Variants in SUFU observed in about 807,000 individuals in gnomAD.
SUFU encodes SUFU negative regulator of hedgehog signaling, also known as suppressor of fused homolog.
Under a neutral mutation model 58.9 loss-of-function variants are expected in SUFU, and 7 were observed. The ratio of observed to expected loss-of-function variants is 0.12; its 90% confidence interval spans 0.07 to 0.22. The LOEUF is 0.22. Among genes scored for constraint, SUFU ranks in the 10% least tolerant of loss-of-function variants. SUFU has a pLI of 1.00. For synonymous variants in SUFU, 232 were observed against 254.8 expected (o/e 0.91, Z 0.85); for missense variants, 451 against 641.3 (o/e 0.70, Z 3.20).
intron 3 of SUFU, among the ~76,000 whole-genome samples, chr10:102,571,855 T>C (rs184272818): frequency 3.9e-5 from 6 of 152,314 alleles, no homozygotes; most frequent in Non-Finnish European, 8.8e-5. Flanking sequence ...TCCTTGTTCA[T>C]ATACAGGCTG....
At chr10:102,582,770 G>C (rs1460747815) in intron 3 of SUFU, among the ~76,000 whole-genome samples, 1 of 152,164 alleles carries the variant, frequency 6.6e-6, no homozygotes, top group Non-Finnish European at 1.5e-5. Flanking sequence ...GCTGAGGGAG[G>C]TTTCTCCTGG....
At chr10:102,579,665 T>A (rs2063252342) in intron 3 of SUFU, among the ~76,000 whole-genome samples, 1 of 152,236 alleles carries the variant, frequency 6.6e-6, no homozygotes, top group Non-Finnish European at 1.5e-5. Context: ...CTTTCAGTTT[T>A]GCAAGAGCAA....
chr10:102,556,757 G>GGGGGAGGAAGGA (rs2062983924), intron 3 of SUFU, among the ~76,000 whole-genome samples: 1 of 138,512 alleles, frequency 7.2e-6, no homozygotes, highest in Non-Finnish European at 1.5e-5. Flanking sequence ...AAAAGGAAGG[G>GGGGGAGGAAGGA]AGGGAGGAAG....
intron 8 of SUFU, among the ~76,000 whole-genome samples, chr10:102,613,041 C>G (rs1384949989): frequency 6.6e-6 from 1 of 152,218 alleles, no homozygotes; most frequent in East Asian, 1.9e-4. Flanking sequence ...TGACTGCTGC[C>G]TCCCTCAGAA....
Position 102,581,180 on chromosome 10 carries a change from CAAAAAAAAAAAAAAAAAAAAA to C in SUFU, c.455-11391_455-11371del, listed in dbSNP as rs71016393. Among the ~76,000 whole-genome samples, 433 of 75,710 alleles carry C rather than the reference CAAAAAAAAAAAAAAAAAAAAA, an allele frequency of 5.7e-3. 4 individuals carry two copies. The highest frequency in any genetic ancestry group is 0.022 in the African/African-American group (416 of 18,788). The allele number at this position is 75,710 out of a possible 152,430, so 49.7% of individuals were successfully genotyped here. On this transcript the variant is annotated intron_variant, in intron 3 of 11. Coordinates refer to ENST00000369902, the MANE Select transcript of SUFU (RefSeq NM_016169.4). ...GGGCGACAGAGAGAGACTCTGTCTC[CAAAAAAAAAAAAAAAAAAAAA>C]AAAAAAAAAAGAAGAAGAAGAAATT...
At chr10:102,622,986 C>A (rs1169216650) in intron 10 of SUFU, among the ~76,000 whole-genome samples, 2 of 128,982 alleles carry the variant, frequency 1.6e-5, no homozygotes, top group Non-Finnish European at 3.2e-5. Context: ...AGCAAAACTC[C>A]GTCTCAAAAA....
At chr10:102,536,241 A>G (rs570212305) in intron 2 of SUFU, among the ~76,000 whole-genome samples, 1 of 152,116 alleles carries the variant, frequency 6.6e-6, no homozygotes, top group Admixed American at 6.6e-5. Context: ...CTGGGATTAC[A>G]GGCGTGAGCG....
intron 2 of SUFU, among the ~76,000 whole-genome samples, chr10:102,542,874 T>C (rs1485717459): frequency 1.3e-5 from 2 of 151,974 alleles, no homozygotes; most frequent in African/African-American, 2.4e-5. Flanking sequence ...ATCTACCGGC[T>C]TTGGCCTCCC....
rs79626670 is a variant in SUFU, at chr10:102,579,113, C to A, written c.455-13469C>A. 3.5e-4 allele frequency among the ~76,000 whole-genome samples: 53 copies of A among 152,274 alleles called. 1 individual carries two copies. In the East Asian group the frequency reaches 7.9e-3, roughly 23 times the overall value. On this transcript the variant is annotated intron_variant, in intron 3 of 11. Coordinates refer to ENST00000369902, the MANE Select transcript of SUFU (RefSeq NM_016169.4). ...GCTCTCTCTAAGGGGTAAGCAAGGACCTGTGTACTTTACAGGTGGGCATAG... is the reference window on the plus strand; with the variant it reads ...GCTCTCTCTAAGGGGTAAGCAAGGAACTGTGTACTTTACAGGTGGGCATAG...
intron 3 of SUFU, among the ~76,000 whole-genome samples, chr10:102,553,426 C>T (rs1187900987): frequency 6.6e-6 from 1 of 151,830 alleles, no homozygotes; most frequent in African/African-American, 2.4e-5. Flanking sequence ...GGTTGAGCTG[C>T]ATGTTCAAGA....
chr10:102,587,411 A>G (rs990188543), intron 3 of SUFU, among the ~76,000 whole-genome samples: 3 of 152,132 alleles, frequency 2.0e-5, no homozygotes. Context: ...TAGTCACCCT[A>G]ATGGGTATAA....
At chr10:102,596,536 G>A (rs1018486509) in intron 6 of SUFU, among the ~76,000 whole-genome samples, 1 of 152,232 alleles carries the variant, frequency 6.6e-6, no homozygotes, top group East Asian at 1.9e-4. Flanking sequence ...GAAATGGGAA[G>A]GAATCTCCAT....
chr10:102,591,875 G>T (rs2063406513), intron 3 of SUFU, among the ~76,000 whole-genome samples: 1 of 152,204 alleles, frequency 6.6e-6, no homozygotes, highest in Non-Finnish European at 1.5e-5. Context: ...TGCTTGAAGT[G>T]CAGTGGTGAG....
chr10:102,538,198 C>T (rs2031603), intron 2 of SUFU, among the ~76,000 whole-genome samples: 150,985 of 152,338 alleles, frequency 0.99, 74,839 homozygotes, highest in East Asian at 1. Flanking sequence ...AGATTAGTCC[C>T]TCTGCTTTCA....
chr10:102,533,677 A>G (rs2062703026), intron 2 of SUFU, among the ~76,000 whole-genome samples: 1 of 152,180 alleles, frequency 6.6e-6, no homozygotes, highest in South Asian at 2.1e-4. Context: ...CCATCTTCAA[A>G]GTGAGCAACA....
At position 102,619,495 on chromosome 10, in the gene SUFU, G is replaced by A; in HGVS notation, c.1296+2067G>A. 8.6e-7 allele frequency: 1 copy of A among 1,156,372 alleles called. No individual in the cohort carries two copies. Among genetic ancestry groups the A allele is most frequent in the Non-Finnish European group, 1.1e-6 (1 of 934,592 alleles). The allele number at this position is 1,156,372 out of a possible 1,614,324, so 71.6% of individuals were successfully genotyped here. On this transcript the variant is annotated intron_variant, in intron 10 of 11. Coordinates refer to ENST00000369902, the MANE Select transcript of SUFU (RefSeq NM_016169.4). This position sits in a 1 kb window ranked among gnomAD's most constrained non-coding sequence, Gnocchi z 4.2. Reference sequence around the variant, plus strand: ...GCCTGTGTTATGGGCTCATTAGTGTGGTCCACCACGGGGCCGGCTCACAGG... The same window carrying A: ...GCCTGTGTTATGGGCTCATTAGTGTAGTCCACCACGGGGCCGGCTCACAGG...
In SUFU at chr10:102,592,440, G is replaced by T. The variant is rs111237617; in HGVS notation, c.455-142G>T. On this transcript the variant is annotated intron_variant, in intron 3 of 11. Coordinates refer to ENST00000369902, the MANE Select transcript of SUFU (RefSeq NM_016169.4). ...ATCCACAAACTCTTTGCTTCCATCCGGAGTGAATGCTTCTCTTCCTTCACA... is the reference window on the plus strand; with the variant it reads ...ATCCACAAACTCTTTGCTTCCATCCTGAGTGAATGCTTCTCTTCCTTCACA... The T allele has an allele frequency of 1.1e-5, 10 of 896,172 alleles. No homozygotes were observed. In the East Asian group the frequency reaches 2.4e-4, roughly 22 times the overall value. The allele number at this position is 896,172 out of a possible 1,614,324, so 55.5% of individuals were successfully genotyped here. A position where few individuals can be genotyped will look rare whatever the true frequency, so the allele number is the denominator to read the frequency against.
At chr10:102,523,105 C>T (rs1338473542) in intron 2 of SUFU, among the ~76,000 whole-genome samples, 1 of 152,158 alleles carries the variant, frequency 6.6e-6, no homozygotes, top group African/African-American at 2.4e-5. Flanking sequence ...GAGATCATAG[C>T]TTCACAGCAG....
rs1045348010 is a variant in SUFU, at chr10:102,625,726, G to A, written c.1297-1449G>A. On this transcript the variant is annotated intron_variant, in intron 10 of 11. Transcript: ENST00000369902. The surrounding 1 kb of genome is among the most constrained non-coding windows in gnomAD (Gnocchi z 4.7). Reference sequence around the variant, plus strand: ...ATGGAGATGAGCAGTTAGCATGCCCGGTATGATGGCGGCTTTTCTGCTCAC... The same window carrying A: ...ATGGAGATGAGCAGTTAGCATGCCCAGTATGATGGCGGCTTTTCTGCTCAC... Among the ~76,000 whole-genome samples the A allele has an allele frequency of 3.9e-5, 6 of 152,248 alleles. No individual in the cohort carries two copies. Among genetic ancestry groups the A allele is most frequent in the Middle Eastern group, 3.4e-3 (1 of 294 alleles).
Sources: gnomAD v4.1 joint callset for allele counts (sites outside exome capture counted in the v4.1 genomes callset) on GRCh38, gnomAD v4.1.1 for gene constraint, Gnocchi (gnomAD v3.1) non-coding constraint, MANE v1.5 for transcripts, NCBI Gene and HGNC (gene_info 2026-07-23, HGNC 2026-07-21) for gene names.